SCN2A: variants seen among roughly 807,000 people sequenced by gnomAD.
SCN2A encodes sodium channel protein type 2 subunit alpha.
In SCN2A, 20 loss-of-function variants were observed where a neutral mutation model predicts 188.7. The observed-to-expected ratio is 0.11, with a 90% confidence interval of 0.07 to 0.15. The LOEUF (loss-of-function observed/expected upper bound fraction) is 0.15. SCN2A is among the 10% of genes least tolerant of loss of function. The probability of loss-of-function intolerance (pLI) is 1.00; values close to 1 mark genes in which losing one functional copy is unlikely to be tolerated. For missense variants in SCN2A, 1,278 were observed against 2,445.0 expected (o/e 0.52, Z 10.07); for synonymous variants, 804 against 833.1 (o/e 0.97, Z 0.60).
At chr2:165,300,449 T>A (rs777136) in intron 3 of SCN2A, among the ~76,000 whole-genome samples, 150,847 of 152,286 alleles carry the variant, frequency 0.99, 74,726 homozygotes, top group Middle Eastern at 1. Context: ...TACTAAGAAA[T>A]ATAAATTAGT....
At chr2:165,301,060 T>C (rs1186285164) in intron 3 of SCN2A, among the ~76,000 whole-genome samples, 1 of 152,074 alleles carries the variant, frequency 6.6e-6, no homozygotes, top group Admixed American at 6.5e-5. Context: ...TTGGTTGTGG[T>C]GTATAGGAGG....
intron 16 of SCN2A, among the ~76,000 whole-genome samples, chr2:165,348,218 G>A (rs1377340419): frequency 6.6e-6 from 1 of 151,992 alleles, no homozygotes; most frequent in Admixed American, 6.6e-5. Context: ...AATTAGCCAG[G>A]CGTGATGATG....
intron 1 of SCN2A, among the ~76,000 whole-genome samples, chr2:165,274,644 A>C (rs1446969246): frequency 6.6e-6 from 1 of 152,214 alleles, no homozygotes; most frequent in Non-Finnish European, 1.5e-5. Flanking sequence ...CCTGGTTAAA[A>C]ACAGAATCCC....
intron 2 of SCN2A, 171 bp downstream of exon 2, chr2:165,296,261 G>A: frequency 1.5e-6 from 1 of 666,308 alleles, no homozygotes; most frequent in Non-Finnish European, 2.6e-6. Context: ...TCTTTTGGAA[G>A]CACTCATTTG....
chr2:165,371,519 G>A (rs750282528), intron 20 of SCN2A: 1 of 152,198 alleles, frequency 6.6e-6, no homozygotes, highest in African/African-American at 2.4e-5. Context: ...TAGGGAAGTG[G>A]AGTGTGAGCT....
At chr2:165,265,395 A>C (rs979368141) in intron 1 of SCN2A, among the ~76,000 whole-genome samples, 1 of 133,470 alleles carries the variant, frequency 7.5e-6, no homozygotes, top group African/African-American at 2.8e-5. Context: ...TAGATGCTGG[A>C]TATTAGACCT....
intron 16 of SCN2A, among the ~76,000 whole-genome samples, chr2:165,350,460 CTTTCTTTTTTT>C (rs1441853897): frequency 0.022 from 1,710 of 77,884 alleles, 99 homozygotes; most frequent in African/African-American, 0.07. Context: ...GAACTGTTTT[CTTTCTTTTTTT>C]TTTTTTTTTT....
At chr2:165,290,991 C>G (rs1176189970) in intron 1 of SCN2A, among the ~76,000 whole-genome samples, 1 of 150,370 alleles carries the variant, frequency 6.7e-6, no homozygotes, top group Non-Finnish European at 1.5e-5. Context: ...CTCAACAACT[C>G]TGCTCTTTGT....
intron 14 of SCN2A, among the ~76,000 whole-genome samples, chr2:165,334,901 TAATA>T (rs1446710081): frequency 6.6e-6 from 1 of 151,234 alleles, no homozygotes; most frequent in East Asian, 1.9e-4. Context: ...CTGTTAGAAC[TAATA>T]AATAAGATTG....
At chr2:165,373,370 T>C in intron 21 of SCN2A, 23 bp downstream of exon 21, 2 of 1,612,322 alleles carry the variant, frequency 1.2e-6, no homozygotes. Flanking sequence ...GCCTTAGAGT[T>C]TGTCAGAATT....
intron 10 of SCN2A, among the ~76,000 whole-genome samples, chr2:165,314,893 G>A (rs186872709): frequency 8.6e-4 from 131 of 152,150 alleles, no homozygotes; most frequent in African/African-American, 2.9e-3. Flanking sequence ...CAAAACTACT[G>A]TTATACTTTA....
chr2:165,305,342 C>G (rs1388347037), intron 3 of SCN2A, among the ~76,000 whole-genome samples: 7 of 152,110 alleles, frequency 4.6e-5, no homozygotes, highest in Non-Finnish European at 2.9e-5. Flanking sequence ...GTACAGATGT[C>G]CTATGGACAA....
chr2:165,318,545 A>T (rs554085263), intron 11 of SCN2A, among the ~76,000 whole-genome samples: 1 of 152,332 alleles, frequency 6.6e-6, no homozygotes, highest in South Asian at 2.1e-4. Flanking sequence ...AAAGAAGTTG[A>T]TGCTAACGGA....
At chr2:165,291,515 CTCTCCTTTCT>C (rs1374487964) in intron 1 of SCN2A, among the ~76,000 whole-genome samples, 5 of 56,426 alleles carry the variant, frequency 8.9e-5, no homozygotes, top group Admixed American at 2.2e-4. Flanking sequence ...TTCTTTCTTC[CTCTCCTTTCT>C]TTCCTTCCTT....
intron 1 of SCN2A, among the ~76,000 whole-genome samples, chr2:165,265,468 G>GATTTAT (rs1436110486): frequency 5.1e-5 from 1 of 19,772 alleles, no homozygotes; most frequent in Non-Finnish European, 1.0e-4. Context: ...TTACTCTGTT[G>GATTTAT]ATCTATATAT....
chr2:165,383,427 G>A lies in SCN2A; in HGVS notation c.4551+2230G>A, dbSNP rs115826996. Among the ~76,000 whole-genome samples the A allele has an allele frequency of 7.2e-3, 1,093 of 152,244 alleles. 14 individuals carry two copies. The highest frequency in any genetic ancestry group is 0.023 in the African/African-American group (939 of 41,552). On this transcript the variant is annotated intron_variant, in intron 25 of 26. Coordinates refer to ENST00000375437, the MANE Select transcript of SCN2A (RefSeq NM_001040142.2). Reference sequence around the variant, plus strand: ...GTGAGACTGGAGTGCAGAAAGTCAAGGTTCATTTGGGACACACTGAGAATA... The same window carrying A: ...GTGAGACTGGAGTGCAGAAAGTCAAAGTTCATTTGGGACACACTGAGAATA...
At chr2:165,363,588 A>G (rs1380754800) in intron 17 of SCN2A, among the ~76,000 whole-genome samples, 1 of 152,166 alleles carries the variant, frequency 6.6e-6, no homozygotes, top group African/African-American at 2.4e-5. Context: ...GTATAGAAAC[A>G]TAGTTATACT....
Position 165,390,858 on chromosome 2 carries a change from C to CATCTTCTG in SCN2A, c.*1035_*1042dup, listed in dbSNP as rs1702098362. On this transcript the variant is annotated 3_prime_UTR_variant, in exon 27 of 27. Coordinates refer to ENST00000375437, the MANE Select transcript of SCN2A (RefSeq NM_001040142.2). ...GCTTTATCCTGCAGTATTGTTTAGC[C>CATCTTCTG]ATCTTCTGCTCTTGGTAAGGTTGAC... is the stretch of plus-strand genomic sequence containing the variant. The CATCTTCTG allele has an allele frequency of 6.6e-6, 1 of 152,512 alleles. No homozygotes were observed. Among genetic ancestry groups the CATCTTCTG allele is most frequent in the African/African-American group, 2.4e-5 (1 of 41,420 alleles). The allele number at this position is 152,512 out of a possible 1,614,324, so 9.4% of individuals were successfully genotyped here.
At chr2:165,339,782 A>T (rs979721347) in intron 14 of SCN2A, among the ~76,000 whole-genome samples, 1 of 152,176 alleles carries the variant, frequency 6.6e-6, no homozygotes, top group Admixed American at 6.5e-5. Context: ...AATGTCACAG[A>T]TTTTCTTTGT....
Sources: allele counts gnomAD v4.1 joint callset (sites outside exome capture counted in the v4.1 genomes callset), GRCh38; gene constraint gnomAD v4.1.1; transcripts MANE v1.5; gene names NCBI Gene and HGNC (gene_info 2026-07-23, HGNC 2026-07-21).